Variants in COP1 observed in about 807,000 individuals in gnomAD.
COP1 encodes the protein COP1 E3 ubiquitin ligase, also known as E3 ubiquitin-protein ligase COP1.
In COP1, 24 loss-of-function variants were observed where a neutral mutation model predicts 101.3. The observed-to-expected ratio is 0.24, with a 90% CI of 0.17 to 0.33. COP1 has a LOEUF of 0.33. COP1 is among the 10% of genes least tolerant of loss of function. COP1 has a pLI of 1.00. For missense variants in COP1, 663 were observed against 906.2 expected, an observed-to-expected ratio of 0.73 and a Z score of 3.45; for synonymous variants, 347 against 341.9, an observed-to-expected ratio of 1.01 and a Z score of -0.17.
chr1:176,001,110 C>G (rs760737699), intron 15 of COP1, among the ~76,000 whole-genome samples: 9 of 152,016 alleles, frequency 5.9e-5, no homozygotes, highest in Non-Finnish European at 1.3e-4. Context: ...CAGCTCACTA[C>G]CAAAGCGCAT....
At chr1:176,203,776 T>G (rs1700541915) in intron 1 of COP1, among the ~76,000 whole-genome samples, 1 of 152,226 alleles carries the variant, frequency 6.6e-6, no homozygotes, top group East Asian at 1.9e-4. Context: ...TGTTTATGAA[T>G]TCTTCAATTA....
At chr1:176,180,507 T>A (rs1437712092) in intron 2 of COP1, among the ~76,000 whole-genome samples, 1 of 152,150 alleles carries the variant, frequency 6.6e-6, no homozygotes, top group African/African-American at 2.4e-5. Flanking sequence ...ACCTGAGAAA[T>A]TTTCAAGCTA....
At chr1:175,993,447 A>G (rs576243927) in intron 15 of COP1, among the ~76,000 whole-genome samples, 1 of 152,350 alleles carries the variant, frequency 6.6e-6, no homozygotes, top group East Asian at 1.9e-4. Context: ...AACTACTCTG[A>G]GCTACAGGAG....
At chr1:176,007,326 A>C (rs1450916829) in intron 15 of COP1, among the ~76,000 whole-genome samples, 5 of 152,188 alleles carry the variant, frequency 3.3e-5, no homozygotes, top group Admixed American at 6.5e-5. Context: ...GATCGTCTGA[A>C]GCCTTCTTCT....
chr1:175,974,387 T>C (rs10737316), intron 18 of COP1, among the ~76,000 whole-genome samples: 131,369 of 152,158 alleles, frequency 0.86, 58,788 homozygotes, highest in Non-Finnish European at 0.98. Flanking sequence ...CCAATATTTT[T>C]CATGTGATAG....
At chr1:176,076,071 A>C (rs922945993) in intron 11 of COP1, among the ~76,000 whole-genome samples, 2 of 151,298 alleles carry the variant, frequency 1.3e-5, no homozygotes, top group Admixed American at 1.3e-4. Context: ...CAGATCATGG[A>C]GGCAGAACAC....
At chr1:175,955,124 G>A (rs1168540203) in intron 18 of COP1, among the ~76,000 whole-genome samples, 1 of 152,000 alleles carries the variant, frequency 6.6e-6, no homozygotes, top group Non-Finnish European at 1.5e-5. Context: ...GCATGCACCT[G>A]TAGTCCCAGC....
intron 1 of COP1, among the ~76,000 whole-genome samples, chr1:176,185,871 C>T (rs969792025): frequency 1.3e-5 from 2 of 152,176 alleles, no homozygotes; most frequent in African/African-American, 2.4e-5. Flanking sequence ...ACGGATGATA[C>T]AATGACACTT....
At chr1:176,185,743 C>T (rs1458867653) in intron 1 of COP1, among the ~76,000 whole-genome samples, 1 of 152,222 alleles carries the variant, frequency 6.6e-6, no homozygotes, top group Non-Finnish European at 1.5e-5. Flanking sequence ...CCTTGAGCAG[C>T]TGCATCAGCT....
chr1:176,196,926 A>C (rs1699761748), intron 1 of COP1, among the ~76,000 whole-genome samples: 1 of 146,538 alleles, frequency 6.8e-6, no homozygotes, highest in African/African-American at 2.5e-5. Context: ...AAAGAAAGAA[A>C]GAGTGAAACC....
rs1001521514 is a variant in COP1, at chr1:175,945,040, A to G, written c.*113T>C. 3.6e-6 allele frequency: 3 copies of G among 840,316 alleles called. No individual in the cohort carries two copies. In the African/African-American group the frequency reaches 5.3e-5, roughly 15 times the overall value. 52.1% of individuals were successfully genotyped at this position (840,316 alleles called of 1,614,324 possible). ...AAAAAATATTCAAAACAAATCCAAA[A>G]CCCATGATGACTTTGGGGAGAGACA... On this transcript the variant is annotated 3_prime_UTR_variant, in exon 20 of 20. Coordinates refer to ENST00000367669, the MANE Select transcript of COP1 (RefSeq NM_022457.7).
At chr1:176,198,732 T>G (rs1699963907) in intron 1 of COP1, among the ~76,000 whole-genome samples, 1 of 152,016 alleles carries the variant, frequency 6.6e-6, no homozygotes, top group Non-Finnish European at 1.5e-5. Context: ...AAAAGATGTA[T>G]GCAGAATACA....
At chr1:175,983,027 T>C (rs1282289903) in intron 18 of COP1, among the ~76,000 whole-genome samples, 12 of 152,200 alleles carry the variant, frequency 7.9e-5, no homozygotes, top group African/African-American at 2.9e-4. Context: ...GAGAATAAGA[T>C]TTTAAATGTT....
At chr1:176,159,558 A>G (rs1304722994) in intron 5 of COP1, among the ~76,000 whole-genome samples, 1 of 152,202 alleles carries the variant, frequency 6.6e-6, no homozygotes, top group Non-Finnish European at 1.5e-5. Context: ...AGAATTGAGA[A>G]GAACCTAAAT....
chr1:176,104,383 T>C (rs1683944181), intron 9 of COP1, among the ~76,000 whole-genome samples: 1 of 151,874 alleles, frequency 6.6e-6, no homozygotes, highest in Non-Finnish European at 1.5e-5. Flanking sequence ...AGGAAGAAAA[T>C]ATAGGCAACA....
intron 5 of COP1, among the ~76,000 whole-genome samples, chr1:176,159,901 C>A (rs1033146088): frequency 6.6e-6 from 1 of 152,128 alleles, no homozygotes; most frequent in Admixed American, 6.5e-5. Context: ...AGATCTAAGA[C>A]ATACGCCAAA....
intron 11 of COP1, among the ~76,000 whole-genome samples, chr1:176,080,371 T>A (rs1678894528): frequency 6.6e-6 from 1 of 152,030 alleles, no homozygotes; most frequent in South Asian, 2.1e-4. Flanking sequence ...AATTAGCAGA[T>A]AAGAGCAAAT....
At chr1:176,096,008 G>A (rs1337794634) in intron 9 of COP1, among the ~76,000 whole-genome samples, 3 of 152,108 alleles carry the variant, frequency 2.0e-5, no homozygotes, top group Non-Finnish European at 4.4e-5. Flanking sequence ...TACTTTATCT[G>A]CTAGCAGGAC....
chr1:176,069,718 G>A (rs1178687705), intron 11 of COP1, among the ~76,000 whole-genome samples: 2 of 152,184 alleles, frequency 1.3e-5, no homozygotes, highest in African/African-American at 2.4e-5. Flanking sequence ...ACCTGCCTCT[G>A]CATCCACTCT....
Sources: allele counts gnomAD v4.1 joint callset (sites outside exome capture counted in the v4.1 genomes callset), GRCh38; gene constraint gnomAD v4.1.1; transcripts MANE v1.5; gene names NCBI Gene and HGNC (gene_info 2026-07-23, HGNC 2026-07-21).